SUSD5: variants seen among roughly 807,000 people sequenced by gnomAD.
SUSD5 encodes sushi domain containing 5.
In SUSD5, 33 loss-of-function variants were observed where a neutral mutation model predicts 29.5. The ratio of observed to expected loss-of-function variants is 1.12; its 90% CI spans 0.85 to 1.49. The LOEUF (loss-of-function observed/expected upper bound fraction) is 1.49, where lower values mean the gene tolerates loss of function less well. Among genes scored for constraint, SUSD5 ranks in the 40% most tolerant of loss-of-function variants. The pLI, the probability that SUSD5 is intolerant of heterozygous loss-of-function variation, is 0.00. For missense variants in SUSD5, 776 were observed against 800.6 expected (o/e 0.97, Z 0.37); for synonymous variants, 308 against 325.3 (o/e 0.95, Z 0.57).
At chr3:33,213,289 T>A (rs2032357033) in intron 2 of SUSD5, among the ~76,000 whole-genome samples, 2 of 151,926 alleles carry the variant, frequency 1.3e-5, no homozygotes, top group Non-Finnish European at 2.9e-5. Context: ...GCCTATAGTC[T>A]TAGCTATAGG....
intron 3 of SUSD5, among the ~76,000 whole-genome samples, chr3:33,175,596 T>C (rs938114716): frequency 6.6e-6 from 1 of 151,654 alleles, no homozygotes; most frequent in Non-Finnish European, 1.5e-5. Context: ...CACATATATA[T>C]ACACACATAT....
intron 4 of SUSD5, among the ~76,000 whole-genome samples, chr3:33,173,271 A>T (rs2031473642): frequency 6.6e-6 from 1 of 152,202 alleles, no homozygotes; most frequent in African/African-American, 2.4e-5. Context: ...GACACAGCTG[A>T]TGGGAGAGCA....
chr3:33,217,555 A>C (rs1426151010), intron 1 of SUSD5, among the ~76,000 whole-genome samples: 1 of 152,234 alleles, frequency 6.6e-6, no homozygotes, highest in African/African-American at 2.4e-5. Context: ...CTCTCTGAGG[A>C]TATGGAGAAA....
chr3:33,218,696 C>T lies in SUSD5; in HGVS notation c.102G>A (p.Val34=). The T allele has an allele frequency of 3.8e-6, 5 of 1,312,228 alleles. No individual in the cohort carries two copies. The South Asian group carries it at 8.3e-5, about 22-fold the overall frequency. 81.3% of individuals were successfully genotyped at this position (1,312,228 alleles called of 1,614,324 possible). The part of the protein sequence containing the change: ...LLLLGLPRLS[V]RADGKFFVLE... The stretch of plus-strand genomic sequence containing the variant: ...CTCCCGCACACTCACCATCCGCCCG[C>T]ACCGAAAGGCGCGGCAGACCGAGCA... Residue 34 remains valine (V), a synonymous_variant, in exon 1 of 5, where the codon GTG becomes GTA. Transcript: ENST00000309558.
intron 4 of SUSD5, among the ~76,000 whole-genome samples, chr3:33,154,291 G>A (rs2030998925): frequency 6.6e-6 from 1 of 152,180 alleles, no homozygotes; most frequent in African/African-American, 2.4e-5. Flanking sequence ...GGGAGGCCTA[G>A]GCAGGTGGAT....
At chr3:33,188,122 G>A (rs887376832) in intron 3 of SUSD5, among the ~76,000 whole-genome samples, 1 of 152,042 alleles carries the variant, frequency 6.6e-6, no homozygotes, top group Non-Finnish European at 1.5e-5. Flanking sequence ...CAATTTAAAA[G>A]GGCACATTTG....
In SUSD5 at chr3:33,162,479, C is replaced by T. The variant is rs192431097; in HGVS notation, c.599-8446G>A. Among the ~76,000 whole-genome samples the T allele has an allele frequency of 1.4e-4, 22 of 152,060 alleles. No individual in the cohort carries two copies. The East Asian group carries it at 3.5e-3, about 24-fold the overall frequency. ...AAAACAAACACACAATACAGAAAAT[C>T]GACATAGTCAAAAGTAAATTCTTTG... On this transcript the variant is annotated intron_variant, in intron 4 of 4. Transcript: ENST00000309558.
chr3:33,195,628 C>T (rs749636682), intron 3 of SUSD5, among the ~76,000 whole-genome samples: 8 of 151,710 alleles, frequency 5.3e-5, no homozygotes, highest in Non-Finnish European at 7.4e-5. Flanking sequence ...ATTACCAAAA[C>T]GTCTAATAAC....
chr3:33,174,840 A>G (rs778078820), intron 4 of SUSD5, 46 bp downstream of exon 4: 2 of 1,602,496 alleles, frequency 1.2e-6, no homozygotes, highest in Non-Finnish European at 1.7e-6. Context: ...GCCCTCAGCC[A>G]GCACTGCGTG....
At chr3:33,157,487 A>G (rs2031081163) in intron 4 of SUSD5, among the ~76,000 whole-genome samples, 1 of 152,216 alleles carries the variant, frequency 6.6e-6, no homozygotes, top group African/African-American at 2.4e-5. Flanking sequence ...TGACCTCAGG[A>G]TAAGGTGGTT....
intron 1 of SUSD5, among the ~76,000 whole-genome samples, chr3:33,216,504 T>C (rs1340494375): frequency 6.6e-6 from 1 of 152,272 alleles, no homozygotes; most frequent in African/African-American, 2.4e-5. Context: ...GGCAAAGATA[T>C]TATAAAAAAT....
intron 2 of SUSD5, among the ~76,000 whole-genome samples, chr3:33,212,179 G>A (rs1277013538): frequency 6.6e-6 from 1 of 152,136 alleles, no homozygotes; most frequent in East Asian, 1.9e-4. Context: ...TCAATTATGT[G>A]TGTCAAAACA....
rs2030925142 is a variant in SUSD5 at position 33,152,544 on chromosome 3, T to C, written c.*198A>G. On this transcript the variant is annotated 3_prime_UTR_variant, in exon 5 of 5. Coordinates refer to ENST00000309558, the MANE Select transcript of SUSD5 (RefSeq NM_015551.2). ...CCAGGGCAGATGGTGGAGGAGACATTGACATGAGTGATGATGTCACCAAAG... is the reference window on the plus strand; with the variant it reads ...CCAGGGCAGATGGTGGAGGAGACATCGACATGAGTGATGATGTCACCAAAG... 3.4e-6 allele frequency: 2 copies of C among 589,688 alleles called. No homozygotes were observed. The highest frequency in any genetic ancestry group is 5.7e-5 in the East Asian group (2 of 35,150). 36.5% of individuals were successfully genotyped at this position (589,688 alleles called of 1,614,324 possible).
chr3:33,175,764 G>A (rs958217435), intron 3 of SUSD5, among the ~76,000 whole-genome samples: 7 of 151,876 alleles, frequency 4.6e-5, no homozygotes, highest in African/African-American at 1.7e-4. Context: ...ACCCTTCCAC[G>A]CACACAGCTT....
At chr3:33,160,962 A>G (rs1365926767) in intron 4 of SUSD5, among the ~76,000 whole-genome samples, 2 of 152,260 alleles carry the variant, frequency 1.3e-5, no homozygotes, top group African/African-American at 4.8e-5. Context: ...TTGATAAAGC[A>G]ACAATAAGAT....
chr3:33,194,744 A>T (rs916255467), intron 3 of SUSD5, among the ~76,000 whole-genome samples: 10 of 152,246 alleles, frequency 6.6e-5, no homozygotes, highest in African/African-American at 2.4e-4. Context: ...AATGGAGGCC[A>T]TGAGTGCAGA....
In SUSD5 at chr3:33,184,498, G is replaced by A. The variant is rs540977036; in HGVS notation, c.410-9424C>T. Among the ~76,000 whole-genome samples, 86 of 152,174 alleles carry A rather than the reference G, an allele frequency of 5.7e-4. No individual in the cohort carries two copies. The South Asian group carries it at 7.5e-3, about 13-fold the overall frequency. ...ATTTGATGAAATTCTTGGTCATTAC[G>A]ATTTCAAATATTGCTTCTGTTCCTT... On this transcript the variant is annotated intron_variant, in intron 3 of 4. Coordinates refer to ENST00000309558, the MANE Select transcript of SUSD5 (RefSeq NM_015551.2).
intron 4 of SUSD5, among the ~76,000 whole-genome samples, chr3:33,159,847 T>C (rs548746552): frequency 6.6e-6 from 1 of 152,250 alleles, no homozygotes; most frequent in East Asian, 1.9e-4. Context: ...TATATTGCAA[T>C]GAATTTCAGA....
rs1428333245 is a variant in SUSD5 at position 33,152,895 on chromosome 3, A to G, written c.1737T>C (p.Ile579=). 4 of 1,613,858 alleles carry G rather than the reference A, an allele frequency of 2.5e-6. No homozygotes were observed. The highest frequency in any genetic ancestry group is 3.4e-6 in the Non-Finnish European group (4 of 1,179,892). Residue 579 remains isoleucine, a synonymous_variant, in exon 5 of 5, where the codon ATT becomes ATC. Coordinates refer to ENST00000309558, the MANE Select transcript of SUSD5 (RefSeq NM_015551.2). The part of the protein sequence containing the change: ...GLSRGPVIAT[I]VTVLCLLLLL... ...GCAGCAGTAGGCACAGGACGGTGAC[A>G]ATGGTGGCGATCACAGGGCCTCTGC...
Sources: gnomAD v4.1 joint callset for allele counts (sites outside exome capture counted in the v4.1 genomes callset) on GRCh38, gnomAD v4.1.1 for gene constraint, MANE v1.5 for transcripts, NCBI Gene and HGNC (gene_info 2026-07-23, HGNC 2026-07-21) for gene names.